Variants in BRCA2 observed in about 807,000 individuals in gnomAD.
BRCA2 encodes the protein breast cancer type 2 susceptibility protein.
A neutral mutation model predicts 276.7 loss-of-function variants in BRCA2; 203 were observed. The observed-to-expected ratio is 0.73, with a 90% CI of 0.65 to 0.82. BRCA2 has a LOEUF of 0.82. BRCA2 is among the 40% of genes least tolerant of loss of function. The pLI is 0.00. For synonymous variants in BRCA2, 1,289 were observed against 1,338.4 expected, an observed-to-expected ratio of 0.96 and a Z score of 0.81; for missense variants, 3,920 against 3,915.0, an observed-to-expected ratio of 1.00 and a Z score of -0.03.
rs397507282 is a variant in BRCA2, at chr13:32,336,586, C to A, written c.2231C>A (p.Ser744Ter). Reference protein sequence around the residue: ...LAAACHPVQHSKVEYSDTDFQ... With the variant: ...LAAACHPVQH ...GCAGCATGTCACCCAGTACAACATT[C>A]AAAAGTGGAATACAGTGATACTGAC... Residue 744 changes from serine (S) to a stop codon, truncating the protein, a stop_gained, in exon 11 of 27, where the codon TCA (serine) becomes TAA (stop). Transcript: ENST00000380152. LOFTEE classifies it high-confidence loss of function. 6.2e-7 allele frequency: 1 copy of A among 1,613,964 alleles called. No individual in the cohort carries two copies. The highest frequency in any genetic ancestry group is 1.1e-5 in the South Asian group (1 of 91,060).
Position 32,336,634 on chromosome 13 carries a change from T to C in BRCA2, c.2279T>C (p.Leu760Ser), listed in dbSNP as rs757410810. 1 of 1,614,094 alleles carries C rather than the reference T, an allele frequency of 6.2e-7. No homozygotes were observed. Among genetic ancestry groups the C allele is most frequent in the South Asian group, 1.1e-5 (1 of 91,080 alleles). ...GACTTTCAATCCCAGAAAAGTCTTT[T>C]ATATGATCATGAAAATGCCAGCACT... is the stretch of plus-strand genomic sequence containing the variant. ...DTDFQSQKSL[L>S]YDHENASTLI... The change falls in exon 11 of 27, where the codon TTA (leucine) becomes TCA (serine). Residue 760 changes from leucine to serine, a missense_variant. By Grantham distance (145) the Leu-to-Ser change is moderately radical. Around this residue, in one of 2 missense-constraint regions of BRCA2, gnomAD observed 3,263 missense variants for 3,156.9 expected, o/e 1.03. Coordinates refer to ENST00000380152, the MANE Select transcript of BRCA2 (RefSeq NM_000059.4).
In BRCA2 at chr13:32,333,018, G is replaced by C. The variant is rs2137472471; in HGVS notation, c.1540G>C (p.Glu514Gln). The change falls in exon 10 of 27, where the codon GAG (glutamate) becomes CAG (glutamine). Residue 514 changes from glutamate (E) to glutamine (Q), a missense_variant. Physicochemically the swap from Glu to Gln is conservative, Grantham distance 29 (BLOSUM62 2). Transcript: ENST00000380152. ...SIFRIRESPK[E>Q]TFNASFSGHM... The stretch of plus-strand genomic sequence containing the variant: ...ATTCAGAATAAGAGAATCACCTAAA[G>C]AGACTTTCAATGCAAGTTTTTCAGG... 1 of 1,596,250 alleles carries C rather than the reference G, an allele frequency of 6.3e-7. No individual in the cohort carries two copies.
Position 32,332,285 on chromosome 13 carries a change from A to T in BRCA2, c.807A>T (p.Thr269=), listed in dbSNP as rs142072914. Residue 269 remains threonine, a synonymous_variant, in exon 10 of 27, where the codon ACA becomes ACT. Coordinates refer to ENST00000380152, the MANE Select transcript of BRCA2 (RefSeq NM_000059.4). The part of the protein sequence containing the change: ...REAASHGFGK[T]SGNSFKVNSC... ...ATACTTTAACAGGATTTGGAAAAACATCAGGGAATTCATTTAAAGTAAATA... is the reference window on the plus strand; with the variant it reads ...ATACTTTAACAGGATTTGGAAAAACTTCAGGGAATTCATTTAAAGTAAATA... 2 of 1,603,850 alleles carry T rather than the reference A, an allele frequency of 1.2e-6. No homozygotes were observed. The highest frequency in any genetic ancestry group is 1.7e-6 in the Non-Finnish European group (2 of 1,174,544).
chr13:32,357,800 CTT>C lies in BRCA2; in HGVS notation c.7679_7680del (p.Phe2560SerfsTer5), dbSNP rs80359673. 1 of 1,613,674 alleles carries C rather than the reference CTT, an allele frequency of 6.2e-7. No individual in the cohort carries two copies. The highest frequency in any genetic ancestry group is 8.5e-7 in the Non-Finnish European group (1 of 1,179,656). Reference sequence around the variant, plus strand: ...AAAATTAACAGCAAAAATGCAGAGTCTTTTCAGTTTCACACTGAAGATTATTT... The same window carrying C: ...AAAATTAACAGCAAAAATGCAGAGTCTTCAGTTTCACACTGAAGATTATTT... On this transcript the variant is annotated frameshift_variant, in exon 16 of 27. Transcript: ENST00000380152. LOFTEE classifies it high-confidence loss of function.
In BRCA2 at chr13:32,379,912, C is replaced by T. The variant is rs80359167; in HGVS notation, c.9116C>T (p.Pro3039Leu). The T allele has an allele frequency of 6.1e-5, 99 of 1,613,014 alleles. No individual in the cohort carries two copies. Among genetic ancestry groups the T allele is most frequent in the South Asian group, 1.2e-4 (11 of 91,016 alleles). The stretch of plus-strand genomic sequence containing the variant: ...AAAAAAACTCAGTATCAACAACTAC[C>T]GGTACAAACCTTTCATTGTAATTTT... ...ATKKTQYQQL[P>L]VSDEILFQIY... Residue 3039 changes from proline (P) to leucine (L), a missense_variant and splice_region_variant, in exon 23 of 27, where the codon CCG (proline) becomes CTG (leucine). Transcript: ENST00000380152.
At chr13:32,390,908 C>G (rs1353244508) in intron 24 of BRCA2, among the ~76,000 whole-genome samples, 1 of 152,166 alleles carries the variant, frequency 6.6e-6, no homozygotes, top group Non-Finnish European at 1.5e-5. Flanking sequence ...TGTTCATTTG[C>G]TATTATCATC....
intron 2 of BRCA2, 125 bp downstream of exon 2, chr13:32,316,652 A>T: frequency 1.2e-6 from 1 of 812,362 alleles, no homozygotes; most frequent in Non-Finnish European, 2.0e-6. Flanking sequence ...ATGTGTGTAT[A>T]AATCCAGTTA....
Position 32,340,145 on chromosome 13 carries a change from A to C in BRCA2, c.5790A>C (p.Leu1930Phe), listed in dbSNP as rs1229615442. 6.2e-7 allele frequency: 1 copy of C among 1,613,080 alleles called. No homozygotes were observed. Among genetic ancestry groups the C allele is most frequent in the Non-Finnish European group, 8.5e-7 (1 of 1,179,532 alleles). The change falls in exon 11 of 27, where the codon TTA (leucine) becomes TTC (phenylalanine). Residue 1930 changes from leucine (L) to phenylalanine (F), a missense_variant. Physicochemically the swap from Leu to Phe is conservative, Grantham distance 22. This residue lies in a region of BRCA2 where 3,263 missense variants were observed against 3,156.9 expected (regional missense o/e 1.03). Transcript: ENST00000380152. ...VFADIQSEEI[L>F]QHNQNMSGLE... ...CTGACATTCAGAGTGAAGAAATTTTACAACATAACCAAAATATGTCTGGAT... is the reference window on the plus strand; with the variant it reads ...CTGACATTCAGAGTGAAGAAATTTTCCAACATAACCAAAATATGTCTGGAT...
Position 32,338,529 on chromosome 13 carries a change from GT to G in BRCA2, c.4176del (p.Ala1393ArgfsTer17), listed in dbSNP as rs863224825. On this transcript the variant is annotated frameshift_variant, in exon 11 of 27. Coordinates refer to ENST00000380152, the MANE Select transcript of BRCA2 (RefSeq NM_000059.4). LOFTEE classifies it high-confidence loss of function. ...EDLSDLTFLE[V>X]AKAQEACHGN... The stretch of plus-strand genomic sequence containing the variant: ...TTTGTCAGATTTAACTTTTTTGGAA[GT>G]TGCGAAAGCTCAAGAAGCATGTCAT... The G allele has an allele frequency of 6.2e-7, 1 of 1,603,670 alleles. No homozygotes were observed. Among genetic ancestry groups the G allele is most frequent in the South Asian group, 1.1e-5 (1 of 88,060 alleles).
At chr13:32,385,290 C>G (rs2072951523) in intron 24 of BRCA2, 1 of 204,568 alleles carries the variant, frequency 4.9e-6, no homozygotes, top group African/African-American at 2.3e-5. Flanking sequence ...GGCAGGCTGT[C>G]AGGCTAAATG....
chr13:32,321,056 C>T (rs1425957773), intron 3 of BRCA2, among the ~76,000 whole-genome samples: 1 of 152,044 alleles, frequency 6.6e-6, no homozygotes, highest in Non-Finnish European at 1.5e-5. Flanking sequence ...GTGATAGAGA[C>T]AAGTGCCTGA....
rs80359086 is a variant in BRCA2 at position 32,370,468 on chromosome 13, C to T, written c.8398C>T (p.Pro2800Ser). The change falls in exon 19 of 27, where the codon CCT (proline) becomes TCT (serine). Residue 2800 changes from proline to serine, a missense_variant. Around this residue, in one of 2 missense-constraint regions of BRCA2, gnomAD observed 657 missense variants for 758.2 expected, o/e 0.87. Coordinates refer to ENST00000380152, the MANE Select transcript of BRCA2 (RefSeq NM_000059.4). ...TKLGFFPDPR[P>S]FPLPLSSLFS... The stretch of plus-strand genomic sequence containing the variant: ...ACTTGGATTCTTTCCTGACCCTAGA[C>T]CTTTTCCTCTGCCCTTATCATCGCT... 4.3e-6 allele frequency: 7 copies of T among 1,613,926 alleles called. No individual in the cohort carries two copies. The highest frequency in any genetic ancestry group is 5.9e-6 in the Non-Finnish European group (7 of 1,179,806).
chr13:32,368,798 GT>G (rs111422380), intron 18 of BRCA2, among the ~76,000 whole-genome samples: 74,408 of 134,406 alleles, frequency 0.55, 18,961 homozygotes, highest in African/African-American at 0.62. Context: ...TTGTTTTTTT[GT>G]TTTTTTTTTG....
At chr13:32,373,512 A>C (rs2072849923) in intron 20 of BRCA2, among the ~76,000 whole-genome samples, 1 of 152,062 alleles carries the variant, frequency 6.6e-6, no homozygotes, top group South Asian at 2.1e-4. Context: ...TCTCAAAAAA[A>C]TAAATAAAAA....
Position 32,354,846 on chromosome 13 carries a change from T to G in BRCA2, c.7008-15T>G. 6.7e-7 allele frequency: 1 copy of G among 1,492,278 alleles called. No individual in the cohort carries two copies. The highest frequency in any genetic ancestry group is 9.4e-7 in the Non-Finnish European group (1 of 1,069,454). The allele number at this position is 1,492,278 out of a possible 1,614,324, so 92.4% of individuals were successfully genotyped here. On this transcript the variant is annotated splice_polypyrimidine_tract_variant and intron_variant, in intron 13 of 26. Coordinates refer to ENST00000380152, the MANE Select transcript of BRCA2 (RefSeq NM_000059.4). ...GTACTAGTCAATAAACTTATATATT[T>G]TCTCCCCATTGCAGCACAACTAAGG...
At position 32,339,524 on chromosome 13, in the gene BRCA2, T is replaced by C. The variant is rs1555284091; in HGVS notation, c.5169T>C (p.Thr1723=). 6.2e-7 allele frequency: 1 copy of C among 1,603,664 alleles called. No homozygotes were observed. The highest frequency in any genetic ancestry group is 1.1e-5 in the South Asian group (1 of 88,948). ...NYLYENNSNS[T]IAENDKNHLS... ...TGTATGAAAATAATTCAAACAGTAC[T>C]ATAGCTGAAAATGACAAAAATCATC... The change falls in exon 11 of 27, where the codon ACT becomes ACC. Residue 1723 remains threonine, a synonymous_variant. Coordinates refer to ENST00000380152, the MANE Select transcript of BRCA2 (RefSeq NM_000059.4).
rs55639415 is a variant in BRCA2, at chr13:32,339,553, C to T, written c.5198C>T (p.Ser1733Phe). The T allele has an allele frequency of 2.8e-4, 450 of 1,607,336 alleles. 2 individuals carry two copies. The African/African-American group carries it at 2.9e-3, about 10-fold the overall frequency. Residue 1733 changes from serine (S) to phenylalanine (F), a missense_variant, in exon 11 of 27, where the codon TCC becomes TTC. By Grantham distance (155) the Ser-to-Phe change is radical. Transcript: ENST00000380152. The stretch of plus-strand genomic sequence containing the variant: ...GCTGAAAATGACAAAAATCATCTCT[C>T]CGAAAAACAAGATACTTATTTAAGT... ...TIAENDKNHL[S>F]EKQDTYLSNS...
chr13:32,337,431 A>G lies in BRCA2; in HGVS notation c.3076A>G (p.Lys1026Glu). The G allele has an allele frequency of 1.2e-6, 2 of 1,613,176 alleles. No homozygotes were observed. The highest frequency in any genetic ancestry group is 1.7e-6 in the Non-Finnish European group (2 of 1,179,494). Reference sequence around the variant, plus strand: ...CAAGCTCTCTGAACATAACATTAAGAAGAGCAAAATGTTCTTCAAAGATAT... The same window carrying G: ...CAAGCTCTCTGAACATAACATTAAGGAGAGCAAAATGTTCTTCAAAGATAT... Reference protein sequence around the residue: ...EIKLSEHNIKKSKMFFKDIEE... With the variant: ...EIKLSEHNIKESKMFFKDIEE... The change falls in exon 11 of 27, where the codon AAG becomes GAG. Residue 1026 changes from lysine to glutamate, a missense_variant. Coordinates refer to ENST00000380152, the MANE Select transcript of BRCA2 (RefSeq NM_000059.4).
intron 24 of BRCA2, among the ~76,000 whole-genome samples, chr13:32,386,390 A>G (rs549824241): frequency 6.6e-6 from 1 of 152,330 alleles, no homozygotes; most frequent in East Asian, 1.9e-4. Flanking sequence ...CCTGGGCCAC[A>G]GAACGAGACT....
Sources: gnomAD v4.1 joint callset for allele counts (sites outside exome capture counted in the v4.1 genomes callset) on GRCh38, gnomAD v4.1.1 for gene constraint, gnomAD v4.1.1 regional missense constraint, MANE v1.5 for transcripts, NCBI Gene and HGNC (gene_info 2026-07-23, HGNC 2026-07-21) for gene names.